WDPCP: variants seen among roughly 807,000 people sequenced by gnomAD.
The protein encoded by WDPCP is WD repeat containing planar cell polarity effector.
In WDPCP, 71 loss-of-function variants were observed where a neutral mutation model predicts 93.1. The observed-to-expected ratio is 0.76, with a 90% CI of 0.63 to 0.93. The LOEUF is 0.93. Among genes scored for constraint, WDPCP ranks in the 40% least tolerant of loss-of-function variants. The pLI is 0.00. For missense variants in WDPCP, 844 were observed against 887.4 expected, an observed-to-expected ratio of 0.95 and a Z score of 0.62; for synonymous variants, 315 against 315.0, an observed-to-expected ratio of 1.00 and a Z score of 0.00.
intron 6 of WDPCP, among the ~76,000 whole-genome samples, chr2:63,451,838 A>G (rs2105651645): frequency 6.6e-6 from 1 of 152,372 alleles, no homozygotes. Flanking sequence ...AACCAACGAC[A>G]AAAACCACAT....
intron 2 of WDPCP, among the ~76,000 whole-genome samples, chr2:63,686,835 T>C (rs1558884247): frequency 6.6e-6 from 1 of 150,402 alleles, no homozygotes; most frequent in Non-Finnish European, 1.5e-5. Flanking sequence ...AAGGACAGTC[T>C]TTTCAATGAA....
chr2:63,126,666 G>GTTT lies in WDPCP; in HGVS notation c.2191-4613_2191-4611dup, dbSNP rs763749429. ...CACATAACTGTGCAACTTGTTTTGT[G>GTTT]TTTTTTTTTTTTTTTTTTTTTTTGA... is the stretch of plus-strand genomic sequence containing the variant. On this transcript the variant is annotated intron_variant, in intron 17 of 17. Coordinates refer to ENST00000272321, the MANE Select transcript of WDPCP (RefSeq NM_015910.7). 6.4e-3 allele frequency among the ~76,000 whole-genome samples: 626 copies of GTTT among 98,028 alleles called. 2 individuals are homozygous for GTTT. The highest frequency in any genetic ancestry group is 8.3e-3 in the Non-Finnish European group (405 of 48,554). 64.3% of individuals were successfully genotyped at this position (98,028 alleles called of 152,430 possible). A position where few individuals can be genotyped will look rare whatever the true frequency, so the allele number is the denominator to read the frequency against.
chr2:63,746,642 A>C lies in WDPCP; in HGVS notation n.308+66980T>G, dbSNP rs530794986. Among the ~76,000 whole-genome samples, 3 of 152,282 alleles carry C rather than the reference A, an allele frequency of 2.0e-5. No individual in the cohort carries two copies. The South Asian group carries it at 6.2e-4, about 32-fold the overall frequency. On this transcript the variant is annotated intron_variant and non_coding_transcript_variant, in intron 2 of 4. Transcript: ENST00000467687. ...CACCCTGGGAGTGTCTGCCTTATGC[A>C]GATGTAGATAGGGATGAAACACGCC...
At chr2:63,238,822 A>G (rs952552751) in intron 14 of WDPCP, among the ~76,000 whole-genome samples, 5 of 152,164 alleles carry the variant, frequency 3.3e-5, no homozygotes, top group Non-Finnish European at 7.3e-5. Context: ...TTCATGAACT[A>G]TGACCTGGCA....
intron 13 of WDPCP, among the ~76,000 whole-genome samples, chr2:63,265,384 A>G (rs907932602): frequency 2.0e-5 from 3 of 152,156 alleles, no homozygotes; most frequent in African/African-American, 4.8e-5. Flanking sequence ...ACAACATACT[A>G]CTACTACTAT....
At chr2:63,671,740 G>A (rs866924881) in intron 2 of WDPCP, among the ~76,000 whole-genome samples, 1 of 152,102 alleles carries the variant, frequency 6.6e-6, no homozygotes, top group Non-Finnish European at 1.5e-5. Context: ...TCCCAAATTG[G>A]TACCTGCTTT....
At chr2:63,302,298 A>G (rs1685389531) in intron 13 of WDPCP, among the ~76,000 whole-genome samples, 2 of 152,196 alleles carry the variant, frequency 1.3e-5, no homozygotes, top group Non-Finnish European at 2.9e-5. Context: ...AAGATGAGCA[A>G]TATGTCTCCT....
intron 12 of WDPCP, among the ~76,000 whole-genome samples, chr2:63,363,740 A>T (rs1004953957): frequency 1.3e-5 from 2 of 152,142 alleles, no homozygotes; most frequent in African/African-American, 2.4e-5. Context: ...GGAAGAATAT[A>T]TTTTTTTAAC....
intron 2 of WDPCP, among the ~76,000 whole-genome samples, chr2:63,739,330 A>C (rs1199307586): frequency 6.6e-6 from 1 of 152,122 alleles, no homozygotes; most frequent in Non-Finnish European, 1.5e-5. Flanking sequence ...CTCCAGCTCC[A>C]TCCATGTTTC....
chr2:63,264,219 T>A (rs144274188), intron 13 of WDPCP, among the ~76,000 whole-genome samples: 69 of 152,336 alleles, frequency 4.5e-4, no homozygotes, highest in African/African-American at 1.6e-3. Flanking sequence ...CTACATGCTG[T>A]GTACAAGAGG....
At chr2:63,259,192 T>A (rs1393072054) in intron 14 of WDPCP, 115 bp downstream of exon 14, 1 of 875,974 alleles carries the variant, frequency 1.1e-6, no homozygotes, top group African/African-American at 1.7e-5. Flanking sequence ...TATAAGGCAC[T>A]GTCTTTACAA....
intron 17 of WDPCP, among the ~76,000 whole-genome samples, chr2:63,147,702 C>T (rs1343231767): frequency 6.6e-6 from 1 of 152,110 alleles, no homozygotes; most frequent in Non-Finnish European, 1.5e-5. Flanking sequence ...GGTGCGGTGG[C>T]TTATGCCTGT....
chr2:63,195,245 C>T (rs944284774), intron 14 of WDPCP, among the ~76,000 whole-genome samples: 17 of 152,032 alleles, frequency 1.1e-4, no homozygotes, highest in African/African-American at 4.1e-4. Context: ...TTCATATACG[C>T]AAATTTACAA....
intron 12 of WDPCP, among the ~76,000 whole-genome samples, chr2:63,351,377 T>C (rs918553422): frequency 6.6e-6 from 1 of 152,202 alleles, no homozygotes; most frequent in Admixed American, 6.5e-5. Context: ...CCATCACCCA[T>C]GTAGTGAACC....
At chr2:63,382,692 T>C (rs1047281974) in intron 10 of WDPCP, among the ~76,000 whole-genome samples, 21 of 152,148 alleles carry the variant, frequency 1.4e-4, no homozygotes, top group South Asian at 2.1e-4. Flanking sequence ...GGAATAGTTA[T>C]AGGCTTCAGG....
At chr2:63,138,715 G>A (rs1670826846) in intron 17 of WDPCP, among the ~76,000 whole-genome samples, 1 of 152,162 alleles carries the variant, frequency 6.6e-6, no homozygotes, top group South Asian at 2.1e-4. Context: ...GCCTCCGAAA[G>A]TTCTGGGATT....
chr2:63,412,743 G>T (rs1695110338), intron 9 of WDPCP, among the ~76,000 whole-genome samples: 1 of 150,568 alleles, frequency 6.6e-6, no homozygotes, highest in South Asian at 2.1e-4. Flanking sequence ...TCCAAGCAGA[G>T]AATCAAATCA....
intron 17 of WDPCP, among the ~76,000 whole-genome samples, chr2:63,131,392 A>G (rs1670282639): frequency 6.6e-6 from 1 of 152,062 alleles, no homozygotes; most frequent in African/African-American, 2.4e-5. Context: ...CATTGTGATT[A>G]CGTAACACAT....
At chr2:63,640,685 G>A (rs867261137) in intron 3 of WDPCP, among the ~76,000 whole-genome samples, 3 of 152,204 alleles carry the variant, frequency 2.0e-5, no homozygotes, top group Middle Eastern at 3.4e-3. Context: ...TTGTATTTTT[G>A]TGGGTACATA....
Sources: allele counts gnomAD v4.1 joint callset (sites outside exome capture counted in the v4.1 genomes callset), GRCh38; gene constraint gnomAD v4.1.1; transcripts MANE v1.5; gene names NCBI Gene and HGNC (gene_info 2026-07-23, HGNC 2026-07-21).